The following PRKG1 variants were observed in gnomAD, a reference collection of about 807,000 sequenced individuals.
PRKG1 encodes the protein cGMP-dependent protein kinase 1.
Under a neutral mutation model 88.1 loss-of-function variants are expected in PRKG1, and 35 were observed. That is an observed-to-expected ratio of 0.40 (90% CI 0.30 to 0.53). PRKG1 has a LOEUF of 0.53. Among genes scored for constraint, PRKG1 ranks in the 20% least tolerant of loss-of-function variants. The probability of loss-of-function intolerance (pLI) is 0.59; values close to 1 mark genes in which losing one functional copy is unlikely to be tolerated. For synonymous variants in PRKG1, 303 were observed against 292.5 expected (o/e 1.04, Z -0.37); for missense variants, 540 against 839.8 (o/e 0.64, Z 4.41).
At chr10:51,227,017 G>A (rs1838710727) in intron 2 of PRKG1, among the ~76,000 whole-genome samples, 2 of 151,504 alleles carry the variant, frequency 1.3e-5, no homozygotes, top group Admixed American at 6.6e-5. Context: ...CGCTTTTGAG[G>A]TGGAGGATAA....
rs147019064 is a variant in PRKG1 at position 51,527,790 on chromosome 10, G to A, written c.592+59954G>A. ...TTTTGTTTCCTTTTCTCTAAGAAGA[G>A]TTATTTCTGTTTGAAAGAGGTCTTT... On this transcript the variant is annotated intron_variant, in intron 3 of 17. Coordinates refer to ENST00000373980, the MANE Select transcript of PRKG1 (RefSeq NM_006258.4). Among the ~76,000 whole-genome samples the A allele has an allele frequency of 1.4e-3, 208 of 152,274 alleles. 1 individual carries two copies. The highest frequency in any genetic ancestry group is 4.1e-3 in the African/African-American group (170 of 41,572).
intron 2 of PRKG1, among the ~76,000 whole-genome samples, chr10:51,286,877 G>A (rs957850692): frequency 1.3e-5 from 2 of 152,066 alleles, no homozygotes; most frequent in African/African-American, 2.4e-5. Context: ...TCTTTTGTTT[G>A]TATTGTTTTG....
chr10:51,705,719 A>G (rs1455939793), intron 3 of PRKG1, among the ~76,000 whole-genome samples: 2 of 152,180 alleles, frequency 1.3e-5, no homozygotes, highest in Non-Finnish European at 2.9e-5. Flanking sequence ...TAGTTCCTCA[A>G]TTTATAGGTA....
intron 5 of PRKG1, among the ~76,000 whole-genome samples, chr10:51,988,371 T>C (rs965825699): frequency 4.6e-5 from 7 of 152,064 alleles, no homozygotes; most frequent in African/African-American, 1.7e-4. Context: ...TAAATAATGT[T>C]ATAGTGAACC....
intron 4 of PRKG1, among the ~76,000 whole-genome samples, chr10:51,890,851 G>A (rs1354271704): frequency 6.6e-6 from 1 of 152,208 alleles, no homozygotes; most frequent in African/African-American, 2.4e-5. Context: ...AGCTCCTCAA[G>A]AGGCTGAGGC....
At chr10:52,245,916 C>T (rs1841011944) in intron 9 of PRKG1, among the ~76,000 whole-genome samples, 1 of 152,036 alleles carries the variant, frequency 6.6e-6, no homozygotes, top group Non-Finnish European at 1.5e-5. Context: ...AATTACCCAT[C>T]TGGAACTATA....
intron 3 of PRKG1, among the ~76,000 whole-genome samples, chr10:51,593,395 A>C (rs553051993): frequency 8.5e-5 from 13 of 152,156 alleles, no homozygotes; most frequent in Non-Finnish European, 1.5e-4. Context: ...TTCTTATTAG[A>C]CTTTACCAGT....
chr10:51,906,281 A>G (rs116958697), intron 4 of PRKG1, among the ~76,000 whole-genome samples: 2,213 of 152,316 alleles, frequency 0.015, 30 homozygotes, highest in Middle Eastern at 0.044. Flanking sequence ...ACCTATCAAC[A>G]AAAAGAGTCA....
intron 1 of PRKG1, among the ~76,000 whole-genome samples, chr10:51,139,635 A>G (rs1285757938): frequency 6.6e-6 from 1 of 152,130 alleles, no homozygotes; most frequent in East Asian, 1.9e-4. Flanking sequence ...CCATCCTTAC[A>G]TTCATTCTAC....
intron 3 of PRKG1, among the ~76,000 whole-genome samples, chr10:51,707,757 C>T (rs532171676): frequency 1.3e-5 from 2 of 152,284 alleles, no homozygotes; most frequent in South Asian, 4.1e-4. Context: ...TTTCTGAAAA[C>T]ATTTGATTCC....
At chr10:51,845,743 C>T (rs899418711) in intron 4 of PRKG1, among the ~76,000 whole-genome samples, 5 of 151,952 alleles carry the variant, frequency 3.3e-5, no homozygotes, top group Non-Finnish European at 7.4e-5. Context: ...AATTCTCTAC[C>T]ACATGTGTAA....
intron 3 of PRKG1, among the ~76,000 whole-genome samples, chr10:51,621,199 A>G (rs1267677994): frequency 6.6e-6 from 1 of 151,672 alleles, no homozygotes. Flanking sequence ...AAGGGCATTC[A>G]GCTATTATCA....
At chr10:52,150,523 C>A (rs553067701) in intron 8 of PRKG1, among the ~76,000 whole-genome samples, 117 of 152,004 alleles carry the variant, frequency 7.7e-4, no homozygotes, top group Non-Finnish European at 1.4e-3. Flanking sequence ...TTTTATATTG[C>A]TAAGTTATAT....
intron 2 of PRKG1, among the ~76,000 whole-genome samples, chr10:51,267,402 C>T (rs1304368670): frequency 6.6e-6 from 1 of 152,112 alleles, no homozygotes; most frequent in African/African-American, 2.4e-5. Context: ...TAAGTTACTA[C>T]ATAAGTAAAA....
chr10:52,211,715 AAAG>A (rs1473117183), intron 9 of PRKG1, among the ~76,000 whole-genome samples: 1 of 151,556 alleles, frequency 6.6e-6, no homozygotes, highest in East Asian at 1.9e-4. Context: ...AAAAAAAAAA[AAAG>A]AAAAGTAATT....
chr10:52,090,676 C>T (rs1847034268), intron 7 of PRKG1, among the ~76,000 whole-genome samples: 1 of 152,140 alleles, frequency 6.6e-6, no homozygotes, highest in Non-Finnish European at 1.5e-5. Flanking sequence ...GTCCTTCTAA[C>T]ATGTGTCCAC....
At chr10:51,445,916 C>T (rs1043757403) in intron 2 of PRKG1, among the ~76,000 whole-genome samples, 5 of 151,794 alleles carry the variant, frequency 3.3e-5, no homozygotes, top group Admixed American at 1.3e-4. Context: ...AACCTCTAAA[C>T]CCTGCTCAAA....
intron 2 of PRKG1, among the ~76,000 whole-genome samples, chr10:51,452,612 A>G (rs1839468099): frequency 1.3e-5 from 2 of 151,976 alleles, no homozygotes; most frequent in African/African-American, 4.8e-5. Flanking sequence ...TGCGTATGTG[A>G]AACCATCACT....
At chr10:51,339,488 T>G (rs1378387339) in intron 2 of PRKG1, among the ~76,000 whole-genome samples, 1 of 151,980 alleles carries the variant, frequency 6.6e-6, no homozygotes, top group Non-Finnish European at 1.5e-5. Flanking sequence ...TTTTTAATAA[T>G]TTTAATTTTC....
Sources: allele counts gnomAD v4.1 joint callset (sites outside exome capture counted in the v4.1 genomes callset), GRCh38; gene constraint gnomAD v4.1.1; transcripts MANE v1.5; gene names NCBI Gene and HGNC (gene_info 2026-07-23, HGNC 2026-07-21).